ABHD17C: variants seen among roughly 807,000 people sequenced by gnomAD.
The protein encoded by ABHD17C is alpha/beta hydrolase domain-containing protein 17C.
Under a neutral mutation model 27.9 loss-of-function variants are expected in ABHD17C, and 11 were observed. The observed-to-expected ratio is 0.39, with a 90% confidence interval of 0.25 to 0.65. ABHD17C has a LOEUF of 0.65. Ranked by LOEUF, ABHD17C falls within the 30% of genes least tolerant of loss-of-function variation. ABHD17C has a pLI of 0.45. For missense variants in ABHD17C, 280 were observed against 470.2 expected (o/e 0.60, Z 3.74); for synonymous variants, 233 against 209.1 (o/e 1.11, Z -0.98).
At chr15:80,713,861 C>CT (rs1894764796) in intron 1 of ABHD17C, among the ~76,000 whole-genome samples, 1 of 149,894 alleles carries the variant, frequency 6.7e-6, no homozygotes, top group South Asian at 2.1e-4. Flanking sequence ...CCTGGGTAGT[C>CT]TTATAATATC....
chr15:80,739,758 C>G (rs1243626910), intron 1 of ABHD17C, among the ~76,000 whole-genome samples: 1 of 152,184 alleles, frequency 6.6e-6, no homozygotes, highest in Non-Finnish European at 1.5e-5. Flanking sequence ...TTATAAATTA[C>G]TCAGTCTCAG....
chr15:80,742,196 C>G (rs532863294), intron 1 of ABHD17C, among the ~76,000 whole-genome samples: 2 of 152,110 alleles, frequency 1.3e-5, no homozygotes, highest in African/African-American at 4.8e-5. Context: ...ATTATGGAGG[C>G]CAAGTCCATG....
chr15:80,728,668 A>G (rs1442531330), intron 1 of ABHD17C, among the ~76,000 whole-genome samples: 2 of 152,216 alleles, frequency 1.3e-5, no homozygotes, highest in Admixed American at 1.3e-4. Context: ...AACCAGGTAA[A>G]TCACTAAACT....
Position 80,754,559 on chromosome 15 carries a change from C to T in ABHD17C, c.*189C>T, listed in dbSNP as rs1895409516. On this transcript the variant is annotated 3_prime_UTR_variant, in exon 3 of 3. Coordinates refer to ENST00000258884, the MANE Select transcript of ABHD17C (RefSeq NM_021214.2). ...GAGGTGGTTCTGCTAATTCACACAA[C>T]ACGTTAAACTGAACAGTCGTGATTC... is the stretch of plus-strand genomic sequence containing the variant. 3 of 582,532 alleles carry T rather than the reference C, an allele frequency of 5.1e-6. No individual in the cohort carries two copies. Among genetic ancestry groups the T allele is most frequent in the Non-Finnish European group, 9.1e-6 (3 of 329,326 alleles). The allele number at this position is 582,532 out of a possible 1,614,324, so 36.1% of individuals were successfully genotyped here.
At chr15:80,702,027 G>A (rs910306943) in intron 1 of ABHD17C, among the ~76,000 whole-genome samples, 5 of 152,078 alleles carry the variant, frequency 3.3e-5, no homozygotes, top group African/African-American at 9.7e-5. Flanking sequence ...TTACTTACCC[G>A]TGGTTCTGTT....
At chr15:80,701,777 G>A (rs969511859) in intron 1 of ABHD17C, among the ~76,000 whole-genome samples, 2 of 152,136 alleles carry the variant, frequency 1.3e-5, no homozygotes, top group Admixed American at 1.3e-4. Flanking sequence ...TGCAATTCAA[G>A]GCAGCCAGTA....
At chr15:80,740,069 A>AT (rs1895188038) in intron 1 of ABHD17C, among the ~76,000 whole-genome samples, 1 of 152,068 alleles carries the variant, frequency 6.6e-6, no homozygotes, top group South Asian at 2.1e-4. Context: ...CTTTCCACAC[A>AT]TGCCGACTTC....
chr15:80,727,650 A>G (rs1203389882), intron 1 of ABHD17C, among the ~76,000 whole-genome samples: 7 of 152,140 alleles, frequency 4.6e-5, no homozygotes, highest in African/African-American at 1.4e-4. Context: ...AATGCTTGTT[A>G]TTTGAGGAGC....
At chr15:80,704,341 C>T (rs1894613291) in intron 1 of ABHD17C, among the ~76,000 whole-genome samples, 1 of 152,144 alleles carries the variant, frequency 6.6e-6, no homozygotes, top group African/African-American at 2.4e-5. Context: ...CTCATTCACA[C>T]TCGCTGCACA....
chr15:80,721,086 C>T (rs547437017), intron 1 of ABHD17C, among the ~76,000 whole-genome samples: 1 of 151,902 alleles, frequency 6.6e-6, no homozygotes, highest in African/African-American at 2.4e-5. Context: ...TTATACTGAC[C>T]TCTGGATTTT....
At chr15:80,737,767 G>A (rs1471135569) in intron 1 of ABHD17C, among the ~76,000 whole-genome samples, 2 of 152,174 alleles carry the variant, frequency 1.3e-5, no homozygotes, top group East Asian at 3.9e-4. Flanking sequence ...TGATGACAAG[G>A]AGGGAGAACA....
At chr15:80,740,685 G>A (rs574569316) in intron 1 of ABHD17C, among the ~76,000 whole-genome samples, 8 of 152,206 alleles carry the variant, frequency 5.3e-5, no homozygotes, top group South Asian at 4.2e-4. Context: ...ATATCAAGAC[G>A]TTTTGTCCCA....
intron 1 of ABHD17C, among the ~76,000 whole-genome samples, chr15:80,704,343 C>G (rs141338219): frequency 6.6e-6 from 1 of 152,226 alleles, no homozygotes; most frequent in Non-Finnish European, 1.5e-5. Flanking sequence ...CATTCACACT[C>G]GCTGCACATC....
chr15:80,748,867 C>T (rs1895327755), intron 1 of ABHD17C, among the ~76,000 whole-genome samples: 1 of 151,666 alleles, frequency 6.6e-6, no homozygotes, highest in African/African-American at 2.4e-5. Flanking sequence ...TCTCTGCACG[C>T]ACCAGGCTGC....
In ABHD17C at chr15:80,749,558, T is replaced by C. The variant is rs1895339620; in HGVS notation, c.636T>C (p.Ile212=). 1 of 1,613,860 alleles carries C rather than the reference T, an allele frequency of 6.2e-7. No homozygotes were observed. The highest frequency in any genetic ancestry group is 1.3e-5 in the African/African-American group (1 of 74,940). The change falls in exon 2 of 3, where the codon ATT becomes ATC. Residue 212 remains isoleucine (I), a synonymous_variant. Transcript: ENST00000258884. ...PENIILYGQS[I]GTVPTVDLAS... ...ACATTATCCTCTATGGTCAGAGCAT[T>C]GGGACTGTCCCCACGGTAGACTTGG...
At chr15:80,729,943 C>T (rs1054095274) in intron 1 of ABHD17C, among the ~76,000 whole-genome samples, 6 of 125,702 alleles carry the variant, frequency 4.8e-5, no homozygotes, top group Non-Finnish European at 7.9e-5. Flanking sequence ...GGTGAAACTC[C>T]GTCTCTACTA....
At chr15:80,742,880 G>A (rs954147291) in intron 1 of ABHD17C, among the ~76,000 whole-genome samples, 1 of 151,938 alleles carries the variant, frequency 6.6e-6, no homozygotes, top group Non-Finnish European at 1.5e-5. Flanking sequence ...AACTGCCAAG[G>A]AGAAGTTGAA....
intron 1 of ABHD17C, among the ~76,000 whole-genome samples, chr15:80,742,410 C>T (rs1028006661): frequency 2.6e-5 from 4 of 152,176 alleles, no homozygotes; most frequent in Non-Finnish European, 5.9e-5. Context: ...ACCAGGAGTT[C>T]CAGTGTCCAA....
intron 1 of ABHD17C, among the ~76,000 whole-genome samples, chr15:80,719,231 C>T (rs1214955092): frequency 6.6e-6 from 1 of 152,228 alleles, no homozygotes; most frequent in Non-Finnish European, 1.5e-5. Flanking sequence ...CAACTTTAGA[C>T]AGTTATTTGT....
Sources: allele counts gnomAD v4.1 joint callset (sites outside exome capture counted in the v4.1 genomes callset), GRCh38; gene constraint gnomAD v4.1.1; transcripts MANE v1.5; gene names NCBI Gene and HGNC (gene_info 2026-07-23, HGNC 2026-07-21).